Variants in NRXN3 observed in about 807,000 individuals in gnomAD.
The protein encoded by NRXN3 is neurexin III.
In NRXN3, 32 loss-of-function variants were observed where a neutral mutation model predicts 137.6. The ratio of observed to expected loss-of-function variants is 0.23; its 90% CI spans 0.18 to 0.31. NRXN3 has a LOEUF of 0.31. Among genes scored for constraint, NRXN3 ranks in the 10% least tolerant of loss-of-function variants. The pLI, the probability that NRXN3 is intolerant of heterozygous loss-of-function variation, is 1.00. For synonymous variants in NRXN3, 798 were observed against 784.5 expected (o/e 1.02, Z -0.29); for missense variants, 1,574 against 2,062.5 (o/e 0.76, Z 4.59).
chr14:78,174,668 C>T (rs767404632), intron 1 of NRXN3, among the ~76,000 whole-genome samples: 5 of 152,060 alleles, frequency 3.3e-5, no homozygotes, highest in Non-Finnish European at 7.4e-5. Context: ...CAGCCTCATA[C>T]GGTGGCTCTG....
intron 15 of NRXN3, among the ~76,000 whole-genome samples, chr14:79,186,828 G>T (rs1408445840): frequency 4.6e-5 from 7 of 152,090 alleles, no homozygotes; most frequent in Admixed American, 2.0e-4. Flanking sequence ...GCAAAGATAC[G>T]GGTCAAACAT....
chr14:79,022,407 C>T (rs1400593409), intron 15 of NRXN3, among the ~76,000 whole-genome samples: 1 of 152,004 alleles, frequency 6.6e-6, no homozygotes, highest in African/African-American at 2.4e-5. Flanking sequence ...AAATACACAG[C>T]TGAAAAAAGC....
intron 15 of NRXN3, among the ~76,000 whole-genome samples, chr14:79,058,025 T>C (rs1460374782): frequency 6.6e-6 from 1 of 152,046 alleles, no homozygotes; most frequent in Non-Finnish European, 1.5e-5. Flanking sequence ...TTCAGACAGG[T>C]TAAAAATATG....
intron 4 of NRXN3, among the ~76,000 whole-genome samples, chr14:78,427,678 C>A (rs537070921): frequency 6.6e-6 from 1 of 152,278 alleles, no homozygotes; most frequent in Admixed American, 6.5e-5. Flanking sequence ...GACATGGAGG[C>A]TGCATATCAC....
chr14:79,799,993 A>T (rs2099172483), intron 19 of NRXN3, among the ~76,000 whole-genome samples: 1 of 152,246 alleles, frequency 6.6e-6, no homozygotes, highest in Non-Finnish European at 1.5e-5. Flanking sequence ...CCTTGATGAC[A>T]TATACCACTG....
At chr14:78,558,844 C>T (rs2096761835) in intron 4 of NRXN3, among the ~76,000 whole-genome samples, 1 of 152,172 alleles carries the variant, frequency 6.6e-6, no homozygotes, top group African/African-American at 2.4e-5. Flanking sequence ...TGGCACTGTG[C>T]TAAGTGCATT....
At chr14:78,755,495 C>A (rs1009319487) in intron 8 of NRXN3, among the ~76,000 whole-genome samples, 3 of 152,146 alleles carry the variant, frequency 2.0e-5, no homozygotes, top group Non-Finnish European at 4.4e-5. Context: ...GCACACTTGA[C>A]TTTTGTAATG....
At chr14:79,161,163 A>C (rs189120298) in intron 15 of NRXN3, among the ~76,000 whole-genome samples, 124 of 152,052 alleles carry the variant, frequency 8.2e-4, no homozygotes, top group African/African-American at 3.0e-3. Context: ...ACCTCTTTTA[A>C]ATAATACCAT....
intron 10 of NRXN3, among the ~76,000 whole-genome samples, chr14:78,849,063 T>C (rs1035793924): frequency 3.3e-5 from 5 of 152,002 alleles, no homozygotes; most frequent in African/African-American, 1.2e-4. Flanking sequence ...ATATTTAAAG[T>C]GGTTTAATAT....
intron 15 of NRXN3, chr14:79,279,264 T>G: frequency 1.2e-6 from 1 of 828,090 alleles, no homozygotes. Flanking sequence ...TGGCCCCTCC[T>G]TCCTCCGGAG....
At chr14:79,592,074 C>T (rs2097810155) in intron 16 of NRXN3, among the ~76,000 whole-genome samples, 1 of 152,148 alleles carries the variant, frequency 6.6e-6, no homozygotes, top group African/African-American at 2.4e-5. Context: ...AAAGTTACCT[C>T]ATGCCCAATT....
Position 78,225,984 on chromosome 14 carries a change from TG to T in NRXN3, c.-703-16406del, listed in dbSNP as rs1247837188. 5.2e-3 allele frequency among the ~76,000 whole-genome samples: 698 copies of T among 135,190 alleles called. 4 individuals carry two copies. Among genetic ancestry groups the T allele is most frequent in the South Asian group, 0.024 (107 of 4,446 alleles). The allele number at this position is 135,190 out of a possible 152,430, so 88.7% of individuals were successfully genotyped here. ...GTGTGTGTGTGTGTTGGTGTGTGTG[TG>T]TGTGTGTGTGTGTGTGTGTGTGTGT... On this transcript the variant is annotated intron_variant, in intron 1 of 20. Transcript: ENST00000335750.
chr14:79,601,218 T>A (rs1028769362), intron 16 of NRXN3, among the ~76,000 whole-genome samples: 1 of 151,988 alleles, frequency 6.6e-6, no homozygotes, highest in African/African-American at 2.4e-5. Flanking sequence ...AATTTTTGTA[T>A]TTTTAGTAGA....
intron 1 of NRXN3, among the ~76,000 whole-genome samples, chr14:78,230,902 A>T (rs1015933665): frequency 2.0e-5 from 3 of 152,204 alleles, no homozygotes; most frequent in Admixed American, 1.3e-4. Flanking sequence ...TTAAAAGGTC[A>T]TTCTGACTGC....
At chr14:79,255,048 A>T (rs943397368) in intron 15 of NRXN3, among the ~76,000 whole-genome samples, 8 of 152,144 alleles carry the variant, frequency 5.3e-5, no homozygotes, top group Admixed American at 4.6e-4. Context: ...GGAGAATAGC[A>T]TTCCTTCTTT....
At chr14:78,363,966 C>G (rs1286031510) in intron 4 of NRXN3, among the ~76,000 whole-genome samples, 2 of 152,202 alleles carry the variant, frequency 1.3e-5, no homozygotes, top group Non-Finnish European at 2.9e-5. Flanking sequence ...AGCCTCTTCT[C>G]CCACAACACT....
rs558908986 is a variant in NRXN3, at chr14:78,540,099, G to A, written c.758-105021G>A. ...GTATATTCTGTTGATGTGGGGTGGA[G>A]AGTTCTGTAGATGTCTATTAGTTCT... On this transcript the variant is annotated intron_variant, in intron 4 of 20. Transcript: ENST00000335750. Among the ~76,000 whole-genome samples, 267 of 152,334 alleles carry A rather than the reference G, an allele frequency of 1.8e-3. 1 individual carries two copies. Among genetic ancestry groups the A allele is most frequent in the African/African-American group, 6.1e-3 (254 of 41,578 alleles).
At chr14:78,601,826 T>C (rs1228639105) in intron 4 of NRXN3, among the ~76,000 whole-genome samples, 1 of 152,138 alleles carries the variant, frequency 6.6e-6, no homozygotes, top group African/African-American at 2.4e-5. Flanking sequence ...CTTATCAGAG[T>C]AAATACAACT....
chr14:78,604,976 A>G (rs1004319852), intron 4 of NRXN3, among the ~76,000 whole-genome samples: 21 of 152,206 alleles, frequency 1.4e-4, no homozygotes, highest in African/African-American at 4.8e-4. Context: ...TTCAAGATCA[A>G]ATTTAGAAAA....
Sources: gnomAD v4.1 joint callset for allele counts (sites outside exome capture counted in the v4.1 genomes callset) on GRCh38, gnomAD v4.1.1 for gene constraint, MANE v1.5 for transcripts, NCBI Gene and HGNC (gene_info 2026-07-23, HGNC 2026-07-21) for gene names.